SLC9A1: variants seen among roughly 807,000 people sequenced by gnomAD.
The protein encoded by SLC9A1 is solute carrier family 9 member A1, also known as sodium/hydrogen exchanger 1.
SLC9A1 carries 22 observed loss-of-function variants against 67.9 expected under a neutral mutation model. That is an observed-to-expected ratio of 0.32 (90% confidence interval 0.23 to 0.46). SLC9A1 has a LOEUF of 0.46. SLC9A1 is among the 20% of genes least tolerant of loss of function. The pLI is 1.00. For synonymous variants in SLC9A1, 421 were observed against 471.8 expected (o/e 0.89, Z 1.40); for missense variants, 686 against 1,094.8 (o/e 0.63, Z 5.27).
chr1:27,141,758 G>A (rs935164936), intron 1 of SLC9A1, among the ~76,000 whole-genome samples: 26 of 152,208 alleles, frequency 1.7e-4, no homozygotes. Context: ...CCATCTTGCT[G>A]TAACCTGAGT....
intron 1 of SLC9A1, among the ~76,000 whole-genome samples, chr1:27,139,748 C>T (rs2083442336): frequency 6.6e-6 from 1 of 151,356 alleles, no homozygotes; most frequent in East Asian, 1.9e-4. Flanking sequence ...ATTCACATCT[C>T]TGTGCCCTTC....
chr1:27,122,718 G>A (rs190719018), intron 1 of SLC9A1, among the ~76,000 whole-genome samples: 60 of 152,324 alleles, frequency 3.9e-4, no homozygotes, highest in African/African-American at 1.4e-3. Context: ...TTGGTAACCA[G>A]CCTGACCTTC....
intron 1 of SLC9A1, among the ~76,000 whole-genome samples, chr1:27,124,053 C>T (rs1228302032): frequency 6.6e-6 from 1 of 152,132 alleles, no homozygotes. Flanking sequence ...GTGTGGCTCC[C>T]CAGCTCAGGT....
intron 6 of SLC9A1, 40 bp from the exon 7 acceptor site, chr1:27,102,783 G>A (rs2083156807): frequency 6.3e-7 from 1 of 1,580,236 alleles, no homozygotes; most frequent in Non-Finnish European, 8.7e-7. Context: ...TCGCTGTGGG[G>A]CGCCTTCCCT....
chr1:27,123,004 C>T (rs1484094446), intron 1 of SLC9A1, among the ~76,000 whole-genome samples: 3 of 93,062 alleles, frequency 3.2e-5, no homozygotes, highest in African/African-American at 8.7e-5. Context: ...CCTGGGGAAG[C>T]GGTGGGGGGC....
intron 1 of SLC9A1, among the ~76,000 whole-genome samples, chr1:27,140,634 T>C (rs1284467045): frequency 6.6e-6 from 1 of 152,168 alleles, no homozygotes; most frequent in African/African-American, 2.4e-5. Context: ...CTTTTCCCCT[T>C]AATACTGGCA....
intron 1 of SLC9A1, among the ~76,000 whole-genome samples, chr1:27,124,627 G>T (rs947228612): frequency 1.3e-5 from 2 of 152,226 alleles, no homozygotes; most frequent in Non-Finnish European, 2.9e-5. Flanking sequence ...GCACTGGCTG[G>T]GTGGGGAAGA....
At position 27,138,129 on chromosome 1, in the gene SLC9A1, C is replaced by T. The variant is rs150825950; in HGVS notation, c.352+15854G>A. On this transcript the variant is annotated intron_variant, in intron 1 of 11. Transcript: ENST00000263980. The stretch of plus-strand genomic sequence containing the variant: ...TGCTACTCAAGAGCCTTTGATGGTG[C>T]CACACAGCACCATGAATCCTAGCCC... Among the ~76,000 whole-genome samples, 680 of 152,278 alleles carry T rather than the reference C, an allele frequency of 4.5e-3. 4 individuals carry two copies. Among genetic ancestry groups the T allele is most frequent in the African/African-American group, 0.015 (636 of 41,546 alleles).
chr1:27,101,990 G>C lies in SLC9A1; in HGVS notation c.1935+26C>G. 6.4e-7 allele frequency: 1 copy of C among 1,562,382 alleles called. No individual in the cohort carries two copies. The highest frequency in any genetic ancestry group is 1.7e-5 in the Admixed American group (1 of 59,982). Reference sequence around the variant, plus strand: ...GGCTGAAGGGCTCCTGTACCCTGGGGGTCGGGCTGGGGAGCAGGCCCTCAC... The same window carrying C: ...GGCTGAAGGGCTCCTGTACCCTGGGCGTCGGGCTGGGGAGCAGGCCCTCAC... On this transcript the variant is annotated intron_variant, in intron 9 of 11. Transcript: ENST00000263980. The surrounding 1 kb of genome is among the most constrained non-coding windows in gnomAD (Gnocchi z 4.9).
intron 1 of SLC9A1, among the ~76,000 whole-genome samples, chr1:27,133,180 G>A (rs1023996568): frequency 3.3e-5 from 5 of 151,858 alleles, no homozygotes; most frequent in African/African-American, 9.7e-5. Flanking sequence ...CGATTCTTGT[G>A]CCCCAGCCTC....
intron 1 of SLC9A1, among the ~76,000 whole-genome samples, chr1:27,131,439 C>CAAAAAAAA (rs35954506): frequency 2.9e-4 from 8 of 27,490 alleles, no homozygotes; most frequent in East Asian, 1.1e-3. Context: ...ACTAAAAATA[C>CAAAAAAAA]AAAAAAAAAA....
Position 27,112,925 on chromosome 1 carries a change from T to C in SLC9A1, c.813+901A>G, listed in dbSNP as rs150609978. ...AAAAAAGGTGAGGGCCACAGAGGTATAGCATTTGCTTAAGGTCACACAGCA... is the reference window on the plus strand; with the variant it reads ...AAAAAAGGTGAGGGCCACAGAGGTACAGCATTTGCTTAAGGTCACACAGCA... On this transcript the variant is annotated intron_variant, in intron 2 of 11. Coordinates refer to ENST00000263980, the MANE Select transcript of SLC9A1 (RefSeq NM_003047.5). Among the ~76,000 whole-genome samples the C allele has an allele frequency of 1.7e-3, 251 of 148,838 alleles. 1 individual carries two copies. The highest frequency in any genetic ancestry group is 5.7e-3 in the African/African-American group (231 of 40,446).
In SLC9A1 at chr1:27,100,280, G is replaced by T. The variant is rs762145434; in HGVS notation, c.*27C>A. 1.3e-6 allele frequency: 2 copies of T among 1,482,136 alleles called. No homozygotes were observed. Among genetic ancestry groups the T allele is most frequent in the East Asian group, 2.3e-5 (1 of 43,280 alleles). The allele number at this position is 1,482,136 out of a possible 1,614,324, so 91.8% of individuals were successfully genotyped here. A position where few individuals can be genotyped will look rare whatever the true frequency, so the allele number is the denominator to read the frequency against. On this transcript the variant is annotated 3_prime_UTR_variant, in exon 12 of 12. Transcript: ENST00000263980. The surrounding 1 kb of genome is among the most constrained non-coding windows in gnomAD (Gnocchi z 5.6). ...GCTCTGGTGGAAGAGTCTGTGAGGG[G>T]ACAGGCGCTGCCTGCTGGCCCTGGT... is the stretch of plus-strand genomic sequence containing the variant.
chr1:27,103,635 A>T, intron 5 of SLC9A1: 1 of 364,694 alleles, frequency 2.7e-6, no homozygotes, highest in South Asian at 3.3e-5. Context: ...ACCCCATGGA[A>T]GTCAGGCCCC....
chr1:27,105,376 T>C (rs1175498065), intron 5 of SLC9A1: 2 of 296,476 alleles, frequency 6.7e-6, no homozygotes, highest in East Asian at 1.5e-4. Context: ...CTCAGCTCAC[T>C]GCAACCTCCA....
At chr1:27,135,388 TAG>T (rs1228185702) in intron 1 of SLC9A1, among the ~76,000 whole-genome samples, 13 of 152,036 alleles carry the variant, frequency 8.6e-5, no homozygotes. Context: ...CACACCACTG[TAG>T]AGAAAAGCCC....
intron 1 of SLC9A1, among the ~76,000 whole-genome samples, chr1:27,138,062 C>A (rs1422451824): frequency 6.6e-6 from 1 of 152,166 alleles, no homozygotes; most frequent in African/African-American, 2.4e-5. Flanking sequence ...CTATCGCACT[C>A]CCAGGCTGTC....
At chr1:27,123,834 AT>A (rs1015749616) in intron 1 of SLC9A1, among the ~76,000 whole-genome samples, 3 of 137,064 alleles carry the variant, frequency 2.2e-5, no homozygotes, top group South Asian at 2.3e-4. Context: ...TTAAAAAAAA[AT>A]TTTTTTTTTG....
rs1245038122 is a variant in SLC9A1 at position 27,118,320 on chromosome 1, A to C, written c.353-4034T>G. Among the ~76,000 whole-genome samples the C allele has an allele frequency of 6.6e-6, 1 of 152,194 alleles. No individual in the cohort carries two copies. The highest frequency in any genetic ancestry group is 1.5e-5 in the Non-Finnish European group (1 of 68,040). On this transcript the variant is annotated intron_variant, in intron 1 of 11. Coordinates refer to ENST00000263980, the MANE Select transcript of SLC9A1 (RefSeq NM_003047.5). The surrounding 1 kb of genome is among the most constrained non-coding windows in gnomAD (Gnocchi z 4.3). Reference sequence around the variant, plus strand: ...CTCCCTGCCTGTGGGTAGGTGGCACATTATTGGAAAGCACTTCTAGGGCTG... The same window carrying C: ...CTCCCTGCCTGTGGGTAGGTGGCACCTTATTGGAAAGCACTTCTAGGGCTG...
Sources: gnomAD v4.1 joint callset for allele counts (sites outside exome capture counted in the v4.1 genomes callset) on GRCh38, gnomAD v4.1.1 for gene constraint, Gnocchi (gnomAD v3.1) non-coding constraint, MANE v1.5 for transcripts, NCBI Gene and HGNC (gene_info 2026-07-23, HGNC 2026-07-21) for gene names.